Variants in PKP2 observed in about 807,000 individuals in gnomAD.
PKP2 encodes plakophilin 2, also known as plakophilin-2.
Under a neutral mutation model 83.4 loss-of-function variants are expected in PKP2, and 73 were observed. The observed-to-expected ratio is 0.88, with a 90% CI of 0.72 to 1.06. PKP2 has a LOEUF of 1.06. Ranked by LOEUF, PKP2 falls within the 50% of genes least tolerant of loss-of-function variation. The probability of loss-of-function intolerance (pLI) is 0.00; values close to 1 mark genes in which losing one functional copy is unlikely to be tolerated. For synonymous variants in PKP2, 409 were observed against 430.4 expected, an observed-to-expected ratio of 0.95 and a Z score of 0.62; for missense variants, 966 against 1,065.4, an observed-to-expected ratio of 0.91 and a Z score of 1.30.
intron 3 of PKP2, among the ~76,000 whole-genome samples, chr12:32,873,006 T>A (rs1956907020): frequency 6.6e-6 from 1 of 152,144 alleles, no homozygotes; most frequent in Admixed American, 6.5e-5. Context: ...TCTGCAGTGC[T>A]CTTGGTCACA....
At chr12:32,896,446 A>C (rs1021160757) in intron 1 of PKP2, 63 bp downstream of exon 1, 1 of 1,254,102 alleles carries the variant, frequency 8.0e-7, no homozygotes, top group African/African-American at 1.5e-5. Flanking sequence ...TGAGGGCGGG[A>C]TAGGAGGAGG....
At chr12:32,797,011 G>T (rs1301492168) in intron 10 of PKP2, among the ~76,000 whole-genome samples, 1 of 151,860 alleles carries the variant, frequency 6.6e-6, no homozygotes, top group African/African-American at 2.4e-5. Context: ...CCTTATAATA[G>T]GACTATGATT....
chr12:32,861,922 G>A (rs1463758918), intron 4 of PKP2, among the ~76,000 whole-genome samples: 1 of 152,188 alleles, frequency 6.6e-6, no homozygotes, highest in Non-Finnish European at 1.5e-5. Flanking sequence ...GACAGAGAGA[G>A]AGTCTCACTC....
At chr12:32,855,153 G>A (rs560360517) in intron 4 of PKP2, among the ~76,000 whole-genome samples, 50 of 152,320 alleles carry the variant, frequency 3.3e-4, no homozygotes, top group African/African-American at 1.2e-3. Flanking sequence ...AATGTGAAAT[G>A]AAGACACAGA....
chr12:32,883,009 A>G (rs1956999581), intron 1 of PKP2, among the ~76,000 whole-genome samples: 1 of 152,190 alleles, frequency 6.6e-6, no homozygotes, highest in Non-Finnish European at 1.5e-5. Flanking sequence ...CGCAACTCCA[A>G]ATACTCTGTA....
intron 4 of PKP2, among the ~76,000 whole-genome samples, chr12:32,862,824 C>G (rs540750823): frequency 3.3e-5 from 5 of 151,564 alleles, no homozygotes; most frequent in Non-Finnish European, 7.4e-5. Context: ...CATGGCAAAA[C>G]CCTACCTCTA....
chr12:32,832,310 G>A lies in PKP2; in HGVS notation c.1557-8148C>T, dbSNP rs150554130. On this transcript the variant is annotated intron_variant, in intron 6 of 12. Transcript: ENST00000340811. Reference sequence around the variant, plus strand: ...GGAGAATTACTTGAACCTGGGAAGCGGAGGTTGCAGTGAGCCAAGATTGTG... The same window carrying A: ...GGAGAATTACTTGAACCTGGGAAGCAGAGGTTGCAGTGAGCCAAGATTGTG... Among the ~76,000 whole-genome samples, 867 of 152,064 alleles carry A rather than the reference G, an allele frequency of 5.7e-3. 9 individuals carry two copies. Among genetic ancestry groups the A allele is most frequent in the African/African-American group, 0.02 (813 of 41,480 alleles).
chr12:32,830,929 C>G lies in PKP2; in HGVS notation c.1557-6767G>C, dbSNP rs7302839. 5.4e-3 allele frequency among the ~76,000 whole-genome samples: 812 copies of G among 151,518 alleles called. 11 individuals are homozygous for G. Among genetic ancestry groups the G allele is most frequent in the African/African-American group, 0.019 (765 of 41,338 alleles). Reference sequence around the variant, plus strand: ...TAAAAAAAAAAAAAAAATCCTTTAGCTCTGCTTTCCTGCATTTTCAGGTTT... The same window carrying G: ...TAAAAAAAAAAAAAAAATCCTTTAGGTCTGCTTTCCTGCATTTTCAGGTTT... On this transcript the variant is annotated intron_variant, in intron 6 of 12. Transcript: ENST00000340811.
chr12:32,853,561 C>CAGTG (rs1188375925), intron 4 of PKP2, among the ~76,000 whole-genome samples: 1 of 146,684 alleles, frequency 6.8e-6, no homozygotes, highest in Non-Finnish European at 1.5e-5. Flanking sequence ...GGTTGGAGTG[C>CAGTG]AGTGACACGA....
chr12:32,855,120 T>A (rs924554312), intron 4 of PKP2, among the ~76,000 whole-genome samples: 1 of 152,244 alleles, frequency 6.6e-6, no homozygotes, highest in Non-Finnish European at 1.5e-5. Context: ...AATATTCACT[T>A]CTAGTAACTT....
intron 3 of PKP2, among the ~76,000 whole-genome samples, chr12:32,872,544 C>A (rs553692222): frequency 2.9e-4 from 44 of 151,844 alleles, no homozygotes; most frequent in Non-Finnish European, 5.3e-4. Flanking sequence ...CAAAAAAAAA[C>A]AAAACAAAAC....
In PKP2 at chr12:32,824,160, T is replaced by C; in HGVS notation, c.1559A>G (p.Asn520Ser). 6.2e-7 allele frequency: 1 copy of C among 1,607,070 alleles called. No individual in the cohort carries two copies. The highest frequency in any genetic ancestry group is 8.5e-7 in the Non-Finnish European group (1 of 1,174,628). Reference protein sequence around the residue: ...IFYNVTGCLRNMSSAGADGRK... With the variant: ...IFYNVTGCLRSMSSAGADGRK... Reference sequence around the variant, plus strand: ...CCCATCAGCGCCAGCAGAACTCATGTTTCTATCAGAAAAAACAAAAAACAA... The same window carrying C: ...CCCATCAGCGCCAGCAGAACTCATGCTTCTATCAGAAAAAACAAAAAACAA... Residue 520 changes from asparagine to serine, a missense_variant and splice_region_variant, in exon 7 of 13, where the codon AAC becomes AGC. Physicochemically the swap from Asn to Ser is conservative, Grantham distance 46. Coordinates refer to ENST00000340811, the MANE Select transcript of PKP2 (RefSeq NM_001005242.3).
Position 32,849,005 on chromosome 12 carries a change from TAA to T in PKP2, c.1378+1759_1378+1760del, listed in dbSNP as rs397850139. ...AGAACACTGTCAACTATTACACAGT[TAA>T]AAAAAAAAAAAAAAAAACCTCTTCT... On this transcript the variant is annotated intron_variant, in intron 5 of 12. Transcript: ENST00000340811. Among the ~76,000 whole-genome samples, 36 of 122,916 alleles carry T rather than the reference TAA, an allele frequency of 2.9e-4. 1 individual carries two copies. The highest frequency in any genetic ancestry group is 5.1e-4 in the Admixed American group (6 of 11,796). 80.6% of individuals were successfully genotyped at this position (122,916 alleles called of 152,430 possible). A position where few individuals can be genotyped will look rare whatever the true frequency, so the allele number is the denominator to read the frequency against.
chr12:32,824,688 C>T (rs999778549), intron 6 of PKP2, among the ~76,000 whole-genome samples: 2 of 152,040 alleles, frequency 1.3e-5, no homozygotes, highest in African/African-American at 2.4e-5. Flanking sequence ...CTCTAAAATG[C>T]GATTATTTTA....
intron 3 of PKP2, among the ~76,000 whole-genome samples, chr12:32,874,853 A>G (rs1956919828): frequency 6.6e-6 from 1 of 151,924 alleles, no homozygotes; most frequent in Admixed American, 6.6e-5. Flanking sequence ...CAATCCTCCC[A>G]CTTCAGCCTC....
chr12:32,808,353 T>C (rs1296891718), intron 9 of PKP2, among the ~76,000 whole-genome samples: 1 of 152,214 alleles, frequency 6.6e-6, no homozygotes, highest in Non-Finnish European at 1.5e-5. Flanking sequence ...GAAGTTCTCA[T>C]GTTATATTTT....
chr12:32,842,729 C>T (rs1479940323), intron 5 of PKP2, among the ~76,000 whole-genome samples: 10 of 151,686 alleles, frequency 6.6e-5, no homozygotes, highest in East Asian at 5.9e-4. Context: ...GGCTGAAGTG[C>T]GGTGGCGCAA....
chr12:32,849,545 A>G (rs1180380259), intron 5 of PKP2, among the ~76,000 whole-genome samples: 1 of 152,238 alleles, frequency 6.6e-6, no homozygotes, highest in Non-Finnish European at 1.5e-5. Flanking sequence ...TACTGTGTGC[A>G]GGGAACACAA....
Position 32,806,686 on chromosome 12 carries a change from T to TTGTGTGTGTGTGTGTGTGTG in PKP2, c.2014-4131_2014-4130insCACACACACACACACACACA, listed in dbSNP as rs140484431. Among the ~76,000 whole-genome samples the TTGTGTGTGTGTGTGTGTGTG allele has an allele frequency of 2.0e-3, 295 of 149,710 alleles. 3 individuals carry two copies. The highest frequency in any genetic ancestry group is 0.015 in the East Asian group (72 of 4,946). On this transcript the variant is annotated intron_variant, in intron 9 of 12. Coordinates refer to ENST00000340811, the MANE Select transcript of PKP2 (RefSeq NM_001005242.3). ...TGAATTTGTTGATTTTTTGAAGGGTTTGTGTGTGTGTGTGTGTGTCTGTAT... is the reference window on the plus strand; with the variant it reads ...TGAATTTGTTGATTTTTTGAAGGGTTTGTGTGTGTGTGTGTGTGTGTGTGTGTGTGTGTGTGTGTCTGTAT...
Sources: gnomAD v4.1 joint callset for allele counts (sites outside exome capture counted in the v4.1 genomes callset) on GRCh38, gnomAD v4.1.1 for gene constraint, MANE v1.5 for transcripts, NCBI Gene and HGNC (gene_info 2026-07-23, HGNC 2026-07-21) for gene names.